PIP4K2A: variants seen among roughly 807,000 people sequenced by gnomAD.
PIP4K2A encodes the protein phosphatidylinositol 5-phosphate 4-kinase type-2 alpha.
A neutral mutation model predicts 42.9 loss-of-function variants in PIP4K2A; 14 were observed. That is an observed-to-expected ratio of 0.33 (90% CI 0.22 to 0.51). The LOEUF is 0.51. Ranked by LOEUF, PIP4K2A falls within the 20% of genes least tolerant of loss-of-function variation. The probability of loss-of-function intolerance (pLI) is 0.97; values close to 1 mark genes in which losing one functional copy is unlikely to be tolerated. For synonymous variants in PIP4K2A, 192 were observed against 192.2 expected (o/e 1.00, Z 0.01); for missense variants, 434 against 519.8 (o/e 0.83, Z 1.61).
At chr10:22,667,572 T>C (rs2130851312) in intron 1 of PIP4K2A, among the ~76,000 whole-genome samples, 1 of 152,294 alleles carries the variant, frequency 6.6e-6, no homozygotes, top group Non-Finnish European at 1.5e-5. Flanking sequence ...ACCTAACAAA[T>C]GACGTGCTTC....
At position 22,714,337 on chromosome 10, in the gene PIP4K2A, T is replaced by A. The variant is rs1833970230; in HGVS notation, c.-11A>T. On this transcript the variant is annotated 5_prime_UTR_variant, in exon 1 of 10. Coordinates refer to ENST00000376573, the MANE Select transcript of PIP4K2A (RefSeq NM_005028.5). ...GCCGGGGGTCGCCATGGCCGCCTCC[T>A]ATGTCCCCTCCACCGCCGTGCTCCC... 16 of 1,587,806 alleles carry A rather than the reference T, an allele frequency of 1.0e-5. No homozygotes were observed. The highest frequency in any genetic ancestry group is 1.4e-5 in the Non-Finnish European group (16 of 1,167,028).
chr10:22,557,162 G>A (rs997550211), intron 6 of PIP4K2A, among the ~76,000 whole-genome samples: 4 of 151,756 alleles, frequency 2.6e-5, no homozygotes, highest in South Asian at 2.1e-4. Context: ...AAGGGAAAAC[G>A]TATCAGGACA....
chr10:22,555,240 A>T (rs1190900671), intron 6 of PIP4K2A, among the ~76,000 whole-genome samples: 1 of 151,390 alleles, frequency 6.6e-6, no homozygotes, highest in Non-Finnish European at 1.5e-5. Context: ...CCTGGGTTGT[A>T]GCTCCGCAAC....
intron 1 of PIP4K2A, among the ~76,000 whole-genome samples, chr10:22,630,861 C>T (rs1564449157): frequency 1.3e-5 from 2 of 152,200 alleles, no homozygotes; most frequent in Non-Finnish European, 2.9e-5. Flanking sequence ...GTCCTCTCAC[C>T]TTCCATCATC....
At chr10:22,597,321 C>T (rs1837656725) in intron 3 of PIP4K2A, among the ~76,000 whole-genome samples, 1 of 152,138 alleles carries the variant, frequency 6.6e-6, no homozygotes, top group Admixed American at 6.5e-5. Context: ...GAAGGAGGAC[C>T]AGCACTTAGC....
intron 1 of PIP4K2A, among the ~76,000 whole-genome samples, chr10:22,635,770 A>C (rs977501943): frequency 6.6e-6 from 1 of 152,202 alleles, no homozygotes; most frequent in Non-Finnish European, 1.5e-5. Flanking sequence ...AAGGATGAGG[A>C]CTGGAGGCCA....
chr10:22,653,076 A>G (rs1296763997), intron 1 of PIP4K2A, among the ~76,000 whole-genome samples: 6 of 152,154 alleles, frequency 3.9e-5, no homozygotes, highest in Non-Finnish European at 7.4e-5. Flanking sequence ...TCTGGGCAAC[A>G]GAGTATCTCA....
chr10:22,540,681 G>C (rs1307167139), intron 8 of PIP4K2A, among the ~76,000 whole-genome samples: 1 of 152,068 alleles, frequency 6.6e-6, no homozygotes, highest in African/African-American at 2.4e-5. Flanking sequence ...TCAGCCTGCC[G>C]AGTAGCCGGG....
intron 4 of PIP4K2A, among the ~76,000 whole-genome samples, chr10:22,573,711 A>G (rs1837043642): frequency 6.6e-6 from 1 of 152,254 alleles, no homozygotes. Context: ...TTGTATGGTC[A>G]AACCTTGGAT....
intron 4 of PIP4K2A, among the ~76,000 whole-genome samples, chr10:22,585,137 CT>C (rs1837364591): frequency 1.3e-5 from 2 of 152,276 alleles, no homozygotes; most frequent in East Asian, 3.9e-4. Flanking sequence ...TTGTATTTAG[CT>C]TTTATGGTCC....
At chr10:22,664,077 G>GTATGTATATATACA (rs1839269143) in intron 1 of PIP4K2A, among the ~76,000 whole-genome samples, 2 of 37,764 alleles carry the variant, frequency 5.3e-5, no homozygotes, top group Non-Finnish European at 9.0e-5. Context: ...ATATATATAC[G>GTATGTATATATACA]TATATATATA....
At chr10:22,595,658 G>T (rs1285730327) in intron 3 of PIP4K2A, among the ~76,000 whole-genome samples, 1 of 152,058 alleles carries the variant, frequency 6.6e-6, no homozygotes, top group Non-Finnish European at 1.5e-5. Flanking sequence ...TTGGGAGGCT[G>T]AGGCACGAGA....
chr10:22,679,168 C>T (rs1839615753), intron 1 of PIP4K2A, among the ~76,000 whole-genome samples: 1 of 152,046 alleles, frequency 6.6e-6, no homozygotes, highest in South Asian at 2.1e-4. Flanking sequence ...AAAATATTTG[C>T]AAATCTGACA....
At chr10:22,550,004 A>C (rs1252124615) in intron 7 of PIP4K2A, among the ~76,000 whole-genome samples, 1 of 152,166 alleles carries the variant, frequency 6.6e-6, no homozygotes, top group Non-Finnish European at 1.5e-5. Flanking sequence ...GTACATTTTA[A>C]ATGTTTAGAA....
chr10:22,564,760 A>T (rs1836798973), intron 6 of PIP4K2A, among the ~76,000 whole-genome samples: 1 of 152,236 alleles, frequency 6.6e-6, no homozygotes, highest in South Asian at 2.1e-4. Flanking sequence ...CAAATGGCCA[A>T]AGAAGCCTCC....
chr10:22,629,374 G>C (rs1041377979), intron 1 of PIP4K2A, among the ~76,000 whole-genome samples: 3 of 152,152 alleles, frequency 2.0e-5, no homozygotes, highest in African/African-American at 4.8e-5. Context: ...GACAACTGCA[G>C]TCATACCTCG....
At chr10:22,670,091 A>G (rs1184294656) in intron 1 of PIP4K2A, among the ~76,000 whole-genome samples, 1 of 152,210 alleles carries the variant, frequency 6.6e-6, no homozygotes, top group Non-Finnish European at 1.5e-5. Flanking sequence ...ACTAAAAAGT[A>G]TGACAGGCCA....
chr10:22,645,953 C>T (rs1177329566), intron 1 of PIP4K2A, among the ~76,000 whole-genome samples: 1 of 152,124 alleles, frequency 6.6e-6, no homozygotes, highest in African/African-American at 2.4e-5. Flanking sequence ...AACTCCTGGG[C>T]TCAAGAGATC....
rs199916094 is a variant in PIP4K2A at position 22,714,301 on chromosome 10, G to A, written c.26C>T (p.Ser9Phe). 7.3e-5 allele frequency: 118 copies of A among 1,608,710 alleles called. No individual in the cohort carries two copies. The highest frequency in any genetic ancestry group is 9.9e-5 in the Non-Finnish European group (117 of 1,177,458). Residue 9 changes from serine (S) to phenylalanine (F), a missense_variant, in exon 1 of 10, where the codon TCC becomes TTC. By Grantham distance (155) the Ser-to-Phe change is radical. This residue lies in a region of PIP4K2A where 395 missense variants were observed against 444.5 expected (regional missense o/e 0.89). Transcript: ENST00000376573. ...CTTGGTCTTGCTCGCCAGGACAGAG[G>A]ACCCTAGGTTGCCGGGGGTCGCCAT... MATPGNLG[S>F]SVLASKTKTK...
Sources: gnomAD v4.1 joint callset for allele counts (sites outside exome capture counted in the v4.1 genomes callset) on GRCh38, gnomAD v4.1.1 for gene constraint, gnomAD v4.1.1 regional missense constraint, MANE v1.5 for transcripts, NCBI Gene and HGNC (gene_info 2026-07-23, HGNC 2026-07-21) for gene names.